The following PTPN14 variants were observed in gnomAD, a reference collection of about 807,000 sequenced individuals.
PTPN14 encodes tyrosine-protein phosphatase non-receptor type 14.
Under a neutral mutation model 126.8 loss-of-function variants are expected in PTPN14, and 53 were observed. The ratio of observed to expected loss-of-function variants is 0.42; its 90% CI spans 0.34 to 0.53. The LOEUF (loss-of-function observed/expected upper bound fraction) is 0.53. PTPN14 is among the 20% of genes least tolerant of loss of function. The probability of loss-of-function intolerance (pLI) is 0.08; values close to 1 mark genes in which losing one functional copy is unlikely to be tolerated. For synonymous variants in PTPN14, 630 were observed against 599.3 expected (o/e 1.05, Z -0.75); for missense variants, 1,257 against 1,552.9 (o/e 0.81, Z 3.20).
At chr1:214,479,637 C>T (rs1042596537) in intron 1 of PTPN14, among the ~76,000 whole-genome samples, 1 of 152,060 alleles carries the variant, frequency 6.6e-6, no homozygotes, top group Non-Finnish European at 1.5e-5. Flanking sequence ...CCGTACCCGA[C>T]CCTGTCTTTA....
At chr1:214,522,586 T>C (rs1655287034) in intron 1 of PTPN14, among the ~76,000 whole-genome samples, 1 of 152,222 alleles carries the variant, frequency 6.6e-6, no homozygotes, top group Admixed American at 6.5e-5. Context: ...GTCCTAATTA[T>C]ATTCAGTTTA....
intron 2 of PTPN14, among the ~76,000 whole-genome samples, chr1:214,460,284 T>A (rs966570041): frequency 6.6e-6 from 1 of 152,238 alleles, no homozygotes; most frequent in African/African-American, 2.4e-5. Flanking sequence ...AGAAATACTA[T>A]CCTATAGATC....
chr1:214,417,967 C>A (rs1222764525), intron 3 of PTPN14, among the ~76,000 whole-genome samples: 1 of 152,232 alleles, frequency 6.6e-6, no homozygotes, highest in African/African-American at 2.4e-5. Flanking sequence ...GCGTAAGTCA[C>A]AGGATGGTGA....
chr1:214,506,387 T>C (rs1654845100), intron 1 of PTPN14, among the ~76,000 whole-genome samples: 3 of 151,956 alleles, frequency 2.0e-5, no homozygotes, highest in South Asian at 4.2e-4. Context: ...GTTGGTGGCA[T>C]GTGCCTATAA....
intron 17 of PTPN14, among the ~76,000 whole-genome samples, chr1:214,365,859 A>G (rs112447776): frequency 6.6e-6 from 1 of 152,230 alleles, no homozygotes; most frequent in African/African-American, 2.4e-5. Flanking sequence ...ACAATGAGAT[A>G]GGACAAAATA....
At chr1:214,523,512 T>C (rs913397999) in intron 1 of PTPN14, among the ~76,000 whole-genome samples, 4 of 152,220 alleles carry the variant, frequency 2.6e-5, no homozygotes, top group African/African-American at 9.6e-5. Context: ...CTACACCATC[T>C]AGCCTAGGTG....
At chr1:214,524,856 G>A (rs993032597) in intron 1 of PTPN14, among the ~76,000 whole-genome samples, 1 of 151,890 alleles carries the variant, frequency 6.6e-6, no homozygotes, top group Non-Finnish European at 1.5e-5. Flanking sequence ...ATCACATCCT[G>A]TTCTCTAGAG....
intron 1 of PTPN14, among the ~76,000 whole-genome samples, chr1:214,465,547 G>A (rs1340966177): frequency 6.6e-6 from 1 of 152,144 alleles, no homozygotes; most frequent in African/African-American, 2.4e-5. Context: ...CTTGAGCCTG[G>A]GAGGCCAAGG....
chr1:214,512,930 G>A (rs528635461), intron 1 of PTPN14, among the ~76,000 whole-genome samples: 86 of 152,088 alleles, frequency 5.7e-4, no homozygotes, highest in African/African-American at 1.9e-3. Flanking sequence ...AGACTCATGC[G>A]ATCTGCCCGC....
intron 7 of PTPN14, among the ~76,000 whole-genome samples, chr1:214,399,485 C>A (rs758134584): frequency 1.3e-5 from 2 of 152,010 alleles, no homozygotes; most frequent in Non-Finnish European, 2.9e-5. Flanking sequence ...TTTTTTAAAT[C>A]GTTATACATG....
intron 3 of PTPN14, among the ~76,000 whole-genome samples, chr1:214,418,466 C>T (rs1048090253): frequency 3.3e-5 from 5 of 152,228 alleles, no homozygotes; most frequent in African/African-American, 7.2e-5. Flanking sequence ...GGTAATACTG[C>T]TTCCTTAAAG....
chr1:214,429,606 C>T (rs568903364), intron 3 of PTPN14, among the ~76,000 whole-genome samples: 126 of 152,272 alleles, frequency 8.3e-4, no homozygotes, highest in African/African-American at 3.0e-3. Context: ...ATAACAGATG[C>T]TCAGTAAATA....
rs1254059397 is a variant in PTPN14, at chr1:214,355,496, A to G, written c.*2426T>C. 1 of 152,232 alleles carries G rather than the reference A, an allele frequency of 6.6e-6. No homozygotes were observed. The highest frequency in any genetic ancestry group is 2.4e-5 in the African/African-American group (1 of 41,460). The allele number at this position is 152,232 out of a possible 1,614,324, so 9.4% of individuals were successfully genotyped here. A position where few individuals can be genotyped will look rare whatever the true frequency, so the allele number is the denominator to read the frequency against. ...TGCTTATTGATGAGCTTCTTATAATAAGGGTTATAAGCTCTGTTCACTGAA... is the reference window on the plus strand; with the variant it reads ...TGCTTATTGATGAGCTTCTTATAATGAGGGTTATAAGCTCTGTTCACTGAA... On this transcript the variant is annotated 3_prime_UTR_variant, in exon 19 of 19. Transcript: ENST00000366956.
Position 214,349,651 on chromosome 1 carries a change from C to T in PTPN14, c.*8271G>A, listed in dbSNP as rs899101005. ...AAACCTTTTTTTCCACTGAAGTATC[C>T]TCAAGCACATTAATTAGCTATTGAA... On this transcript the variant is annotated 3_prime_UTR_variant, in exon 19 of 19. Transcript: ENST00000366956. The T allele has an allele frequency of 6.6e-6, 1 of 152,052 alleles. No individual in the cohort carries two copies. Among genetic ancestry groups the T allele is most frequent in the African/African-American group, 2.4e-5 (1 of 41,374 alleles). 9.4% of individuals were successfully genotyped at this position (152,052 alleles called of 1,614,324 possible).
intron 3 of PTPN14, among the ~76,000 whole-genome samples, chr1:214,436,282 A>G (rs778626235): frequency 2.6e-5 from 4 of 152,164 alleles, no homozygotes; most frequent in Admixed American, 6.5e-5. Context: ...TTGAAAAACT[A>G]CTTATCAGGT....
chr1:214,408,476 T>G (rs1659220049), intron 5 of PTPN14, among the ~76,000 whole-genome samples: 1 of 152,178 alleles, frequency 6.6e-6, no homozygotes, highest in South Asian at 2.1e-4. Flanking sequence ...AAACCTAGTC[T>G]TATCTTTACT....
At chr1:214,475,985 C>T (rs1660858507) in intron 1 of PTPN14, among the ~76,000 whole-genome samples, 2 of 152,206 alleles carry the variant, frequency 1.3e-5, no homozygotes, top group African/African-American at 2.4e-5. Context: ...CACCCACATT[C>T]TACAAAAAAC....
At chr1:214,367,464 A>C (rs1348146613) in intron 17 of PTPN14, among the ~76,000 whole-genome samples, 1 of 152,234 alleles carries the variant, frequency 6.6e-6, no homozygotes, top group African/African-American at 2.4e-5. Flanking sequence ...CTTGTAAATC[A>C]GTATTTTTAG....
chr1:214,537,214 G>A (rs1391335773), intron 1 of PTPN14, among the ~76,000 whole-genome samples: 1 of 152,130 alleles, frequency 6.6e-6, no homozygotes, highest in African/African-American at 2.4e-5. Context: ...ATATTCCCTA[G>A]TTTAAAGATG....
Sources: allele counts gnomAD v4.1 joint callset (sites outside exome capture counted in the v4.1 genomes callset), GRCh38; gene constraint gnomAD v4.1.1; transcripts MANE v1.5; gene names NCBI Gene and HGNC (gene_info 2026-07-23, HGNC 2026-07-21).